TEX29: variants seen among roughly 807,000 people sequenced by gnomAD.
TEX29 encodes the protein testis expressed 29, also known as testis-expressed protein 29.
A neutral mutation model predicts 18.2 loss-of-function variants in TEX29; 26 were observed. That is an observed-to-expected ratio of 1.43 (90% confidence interval 1.04 to 1.98). The LOEUF is 1.98. TEX29 is among the 30% of genes most tolerant of loss of function. The probability of loss-of-function intolerance (pLI) is 0.00; values close to 1 mark genes in which losing one functional copy is unlikely to be tolerated. For missense variants in TEX29, 177 were observed against 194.2 expected (o/e 0.91, Z 0.53); for synonymous variants, 83 against 78.5 (o/e 1.06, Z -0.31).
intron 3 of TEX29, 107 bp from the exon 4 acceptor site, chr13:111,339,756 C>T (rs957775059): frequency 4.0e-5 from 44 of 1,092,432 alleles, no homozygotes; most frequent in South Asian, 6.5e-5. Flanking sequence ...CATGGGCAGC[C>T]GCGCCGGGAG....
intron 2 of TEX29, among the ~76,000 whole-genome samples, 198 bp from the exon 3 acceptor site, chr13:111,327,985 A>T (rs1457746667): frequency 2.0e-5 from 3 of 152,230 alleles, no homozygotes; most frequent in African/African-American, 7.2e-5. Context: ...AATTAACTTG[A>T]CATTATTTTG....
intron 5 of TEX29, among the ~76,000 whole-genome samples, 159 bp from the exon 6 acceptor site, chr13:111,343,924 G>A (rs544346831): frequency 6.6e-6 from 1 of 152,336 alleles, no homozygotes; most frequent in South Asian, 2.1e-4. Context: ...AGAATGCAAT[G>A]AGAAACATAG....
At chr13:111,327,088 C>G (rs2093675263) in intron 2 of TEX29, among the ~76,000 whole-genome samples, 1 of 152,214 alleles carries the variant, frequency 6.6e-6, no homozygotes, top group Admixed American at 6.5e-5. Context: ...CATGGTAGGT[C>G]AGCTCAAATC....
chr13:111,343,010 G>A, intron 5 of TEX29, 79 bp downstream of exon 5: 2 of 1,510,730 alleles, frequency 1.3e-6, no homozygotes, highest in Non-Finnish European at 9.0e-7. Context: ...CCCTGGGAAG[G>A]GGCTCAACAT....
intron 5 of TEX29, 75 bp downstream of exon 5, chr13:111,343,006 G>A: frequency 6.5e-7 from 1 of 1,549,614 alleles, no homozygotes. Context: ...CCTTCCCTGG[G>A]AAGGGGCTCA....
At chr13:111,324,694 C>T (rs916186964) in intron 2 of TEX29, among the ~76,000 whole-genome samples, 5 of 152,154 alleles carry the variant, frequency 3.3e-5, no homozygotes, top group East Asian at 1.9e-4. Flanking sequence ...AAAATGGTGA[C>T]GCCTCCCCAC....
chr13:111,318,723 G>GCAA (rs1488222676), upstream of TEX29, among the ~76,000 whole-genome samples: 3 of 152,236 alleles, frequency 2.0e-5, no homozygotes, highest in East Asian at 5.8e-4. Context: ...GAGAGAAGCA[G>GCAA]TGTCTCTGCC....
intron 4 of TEX29, 94 bp downstream of exon 4, chr13:111,340,026 G>A: frequency 8.3e-7 from 1 of 1,204,128 alleles, no homozygotes; most frequent in Non-Finnish European, 1.2e-6. Context: ...CTTCGGGCTT[G>A]GTGCTGCTGG....
Position 111,320,871 on chromosome 13 carries a change from T to G in TEX29, c.-20T>G, listed in dbSNP as rs369060284. 2 of 1,613,400 alleles carry G rather than the reference T, an allele frequency of 1.2e-6. No individual in the cohort carries two copies. Among genetic ancestry groups the G allele is most frequent in the African/African-American group, 2.7e-5 (2 of 74,828 alleles). ...CTGTTTTCCAGGTGTGCTCGGCCCC[T>G]TCATCTGTCAGCTGCAGCAATGGAA... On this transcript the variant is annotated 5_prime_UTR_variant, in exon 2 of 6. Coordinates refer to ENST00000283547, the MANE Select transcript of TEX29 (RefSeq NM_152324.3).
At chr13:111,325,617 C>T (rs1011750108) in intron 2 of TEX29, among the ~76,000 whole-genome samples, 1 of 152,064 alleles carries the variant, frequency 6.6e-6, no homozygotes, top group Non-Finnish European at 1.5e-5. Context: ...AATGGAAATG[C>T]GTGAGAGACT....
chr13:111,333,160 CTCTT>C (rs2093685028), intron 3 of TEX29, among the ~76,000 whole-genome samples: 1 of 152,170 alleles, frequency 6.6e-6, no homozygotes, highest in Non-Finnish European at 1.5e-5. Flanking sequence ...TCAAGATTCT[CTCTT>C]TGTCTTTTGC....
upstream of TEX29, among the ~76,000 whole-genome samples, chr13:111,318,103 C>T (rs1028437301): frequency 6.6e-5 from 10 of 152,288 alleles, no homozygotes; most frequent in Admixed American, 3.3e-4. Context: ...GACTCACACC[C>T]CTGTCTAGGA....
rs1038429205 is a variant in TEX29, at chr13:111,328,386, T to A, written c.169+93T>A. ...CTGCCTGTCTCCCTTCCTCGGGGTCTCTGTTTGCTGGAAACACCTTTGTAT... is the reference window on the plus strand; with the variant it reads ...CTGCCTGTCTCCCTTCCTCGGGGTCACTGTTTGCTGGAAACACCTTTGTAT... On this transcript the variant is annotated intron_variant, in intron 3 of 5. Coordinates refer to ENST00000283547, the MANE Select transcript of TEX29 (RefSeq NM_152324.3). 7 of 854,368 alleles carry A rather than the reference T, an allele frequency of 8.2e-6. No individual in the cohort carries two copies. The African/African-American group carries it at 1.2e-4, about 14-fold the overall frequency. 52.9% of individuals were successfully genotyped at this position (854,368 alleles called of 1,614,324 possible).
intron 4 of TEX29, 68 bp downstream of exon 4, chr13:111,340,000 C>T (rs2153642101): frequency 6.7e-7 from 1 of 1,487,622 alleles, no homozygotes; most frequent in Non-Finnish European, 9.4e-7. Flanking sequence ...CCGCAGCTTC[C>T]TGCCTGCCTG....
Position 111,342,903 on chromosome 13 carries a change from G to C in TEX29, c.387G>C (p.Ser129=). 1 of 1,614,168 alleles carries C rather than the reference G, an allele frequency of 6.2e-7. No individual in the cohort carries two copies. The change falls in exon 5 of 6, where the codon TCG becomes TCC. Residue 129 remains serine, a synonymous_variant. Transcript: ENST00000283547. ...CTGGGCCTCCAAGTGCTGGGCCCTC[G>C]ATGAAGAGTGACGAGGATAAGGATG... ...ASPGPPSAGP[S]MKSDEDKDDV... is the part of the protein sequence containing the mutation.
intron 3 of TEX29, among the ~76,000 whole-genome samples, chr13:111,331,776 G>C (rs1191076433): frequency 6.6e-6 from 1 of 152,094 alleles, no homozygotes; most frequent in African/African-American, 2.4e-5. Context: ...TTTTGCATAT[G>C]GATATTCAGT....
chr13:111,327,188 C>T (rs764113633), intron 2 of TEX29, among the ~76,000 whole-genome samples: 3 of 152,234 alleles, frequency 2.0e-5, no homozygotes, highest in South Asian at 2.1e-4. Context: ...TTGGCAGGTG[C>T]GGCATCGCCT....
Position 111,320,975 on chromosome 13 carries a change from G to A in TEX29, c.58+27G>A, listed in dbSNP as rs753782723. ...TATGGAGGGAAGGCGCCAGGGGGGCGGGTGGGGTGGGGGAGCAGTTGGGGG... is the reference window on the plus strand; with the variant it reads ...TATGGAGGGAAGGCGCCAGGGGGGCAGGTGGGGTGGGGGAGCAGTTGGGGG... On this transcript the variant is annotated intron_variant, in intron 2 of 5. Transcript: ENST00000283547. 32 of 1,441,392 alleles carry A rather than the reference G, an allele frequency of 2.2e-5. No individual in the cohort carries two copies. In the East Asian group the frequency reaches 2.3e-4, roughly 10 times the overall value. 89.3% of individuals were successfully genotyped at this position (1,441,392 alleles called of 1,614,324 possible). A position where few individuals can be genotyped will look rare whatever the true frequency, so the allele number is the denominator to read the frequency against.
chr13:111,339,333 C>G, intron 3 of TEX29: 1 of 454,896 alleles, frequency 2.2e-6, no homozygotes. Flanking sequence ...GGAGCCATTT[C>G]CAGGGAGCTG....
Sources: allele counts gnomAD v4.1 joint callset (sites outside exome capture counted in the v4.1 genomes callset), GRCh38; gene constraint gnomAD v4.1.1; transcripts MANE v1.5; gene names NCBI Gene and HGNC (gene_info 2026-07-23, HGNC 2026-07-21).